KCNQ1: variants seen among roughly 807,000 people sequenced by gnomAD.
KCNQ1 encodes potassium voltage-gated channel subfamily Q member 1, also known as potassium voltage-gated channel subfamily KQT member 1.
Under a neutral mutation model 72.4 loss-of-function variants are expected in KCNQ1, and 49 were observed. The observed-to-expected ratio is 0.68, with a 90% CI of 0.54 to 0.86. KCNQ1 has a LOEUF of 0.86. KCNQ1 is among the 40% of genes least tolerant of loss of function. KCNQ1 has a pLI of 0.00. For missense variants in KCNQ1, 790 were observed against 945.1 expected (o/e 0.84, Z 2.15); for synonymous variants, 450 against 412.6 (o/e 1.09, Z -1.10).
In KCNQ1 at chr11:2,669,431, T is replaced by C. The variant is rs1436916840; in HGVS notation, c.1514+7350T>C. On this transcript the variant is annotated intron_variant, in intron 11 of 15. Coordinates refer to ENST00000155840, the MANE Select transcript of KCNQ1 (RefSeq NM_000218.3). This position sits in a 1 kb window ranked among gnomAD's most constrained non-coding sequence, Gnocchi z 5.6. Reference sequence around the variant, plus strand: ...GTCCCTTGTTTATTTAGGTTGACTTTCATATCTTTTACCTTGCCCTGTAGT... The same window carrying C: ...GTCCCTTGTTTATTTAGGTTGACTTCCATATCTTTTACCTTGCCCTGTAGT... 5.0e-6 allele frequency: 2 copies of C among 398,534 alleles called. No homozygotes were observed. Among genetic ancestry groups the C allele is most frequent in the Non-Finnish European group, 4.4e-6 (1 of 226,084 alleles). The allele number at this position is 398,534 out of a possible 1,614,324, so 24.7% of individuals were successfully genotyped here. A position where few individuals can be genotyped will look rare whatever the true frequency, so the allele number is the denominator to read the frequency against.
At chr11:2,539,783 G>T (rs1403256339) in intron 2 of KCNQ1, among the ~76,000 whole-genome samples, 2 of 152,254 alleles carry the variant, frequency 1.3e-5, no homozygotes, top group African/African-American at 2.4e-5. Context: ...AGAGTGTGCG[G>T]CCATGGGGAC....
rs758584937 is a variant in KCNQ1, at chr11:2,816,046, T to C, written c.1795-31721T>C. Among the ~76,000 whole-genome samples, 1 of 152,108 alleles carries C rather than the reference T, an allele frequency of 6.6e-6. No homozygotes were observed. Among genetic ancestry groups the C allele is most frequent in the Non-Finnish European group, 1.5e-5 (1 of 68,006 alleles). The stretch of plus-strand genomic sequence containing the variant: ...CTGGGTGAGGGCTCCGTTAGATGAA[T>C]GTGGACGGCTGGCGGCCGGGGCTTG... On this transcript the variant is annotated intron_variant, in intron 15 of 15. Transcript: ENST00000155840. This position sits in a 1 kb window ranked among gnomAD's most constrained non-coding sequence, Gnocchi z 6.8.
intron 15 of KCNQ1, among the ~76,000 whole-genome samples, chr11:2,825,214 G>C (rs1202075892): frequency 5.3e-5 from 8 of 152,220 alleles, no homozygotes; most frequent in Admixed American, 4.6e-4. Context: ...CGACCCTGCT[G>C]TCGGGCGTGT....
intron 10 of KCNQ1, chr11:2,622,069 T>G: frequency 2.5e-6 from 1 of 398,362 alleles, no homozygotes; most frequent in Non-Finnish European, 4.4e-6. Context: ...TATGTTGTGT[T>G]CCCACTGTCA....
At chr11:2,551,855 G>A (rs1446720025) in intron 2 of KCNQ1, among the ~76,000 whole-genome samples, 1 of 152,236 alleles carries the variant, frequency 6.6e-6, no homozygotes, top group South Asian at 2.1e-4. Flanking sequence ...GACGAATGGT[G>A]TTGGGCATAT....
At chr11:2,753,687 T>G (rs1846259373) in intron 11 of KCNQ1, among the ~76,000 whole-genome samples, 1 of 152,196 alleles carries the variant, frequency 6.6e-6, no homozygotes. Flanking sequence ...GCATCCCAGG[T>G]ACAAAGCCAT....
chr11:2,528,566 G>T (rs773880650), intron 2 of KCNQ1, among the ~76,000 whole-genome samples: 19 of 152,354 alleles, frequency 1.2e-4, no homozygotes, highest in Non-Finnish European at 1.5e-4. Context: ...TGATCTGGCC[G>T]TGAGGCTGCC....
intron 15 of KCNQ1, among the ~76,000 whole-genome samples, chr11:2,838,930 G>GC (rs113030218): frequency 0.037 from 5,587 of 152,234 alleles, 340 homozygotes; most frequent in African/African-American, 0.13. Flanking sequence ...CGGCTCCTGG[G>GC]CCCCCAGCCT....
Position 2,803,918 on chromosome 11 carries a change from C to T in KCNQ1, c.1794+25881C>T, listed in dbSNP as rs887927906. 7.9e-5 allele frequency among the ~76,000 whole-genome samples: 12 copies of T among 152,174 alleles called. No individual in the cohort carries two copies. The highest frequency in any genetic ancestry group is 2.9e-4 in the African/African-American group (12 of 41,424). On this transcript the variant is annotated intron_variant, in intron 15 of 15. Coordinates refer to ENST00000155840, the MANE Select transcript of KCNQ1 (RefSeq NM_000218.3). The surrounding 1 kb of genome is among the most constrained non-coding windows in gnomAD (Gnocchi z 6.4). ...GATGGGGCCGCCTCTGCCACCTGCTCCAGCCACCTGGCAGATCCCACTCGG... is the reference window on the plus strand; with the variant it reads ...GATGGGGCCGCCTCTGCCACCTGCTTCAGCCACCTGGCAGATCCCACTCGG...
chr11:2,525,217 G>A (rs1297215018), intron 1 of KCNQ1, among the ~76,000 whole-genome samples: 1 of 152,188 alleles, frequency 6.6e-6, no homozygotes, highest in Non-Finnish European at 1.5e-5. Flanking sequence ...TGTGTGCAAG[G>A]TGAGCCAGTC....
chr11:2,777,148 ATGAC>A, intron 14 of KCNQ1, 116 bp downstream of exon 14: 1 of 999,254 alleles, frequency 1.0e-6, no homozygotes, highest in Non-Finnish European at 1.6e-6. Flanking sequence ...TCCAAAGTGC[ATGAC>A]ATGAAATGAA....
rs2133900705 is a variant in KCNQ1 at position 2,698,505 on chromosome 11, C to G, written c.1514+36424C>G. On this transcript the variant is annotated intron_variant, in intron 11 of 15. Transcript: ENST00000155840. The surrounding 1 kb of genome is among the most constrained non-coding windows in gnomAD (Gnocchi z 5.1). ...AAGAGACTTCTACCACTACCTCTCA[C>G]CTGGCAGGTGATCACCACCCCCAAC... 2.5e-6 allele frequency: 1 copy of G among 398,626 alleles called. No homozygotes were observed. The highest frequency in any genetic ancestry group is 4.4e-6 in the Non-Finnish European group (1 of 226,074). 24.7% of individuals were successfully genotyped at this position (398,626 alleles called of 1,614,324 possible). A position where few individuals can be genotyped will look rare whatever the true frequency, so the allele number is the denominator to read the frequency against.
At position 2,724,231 on chromosome 11, in the gene KCNQ1, G is replaced by A. The variant is rs536607928; in HGVS notation, c.1515-44613G>A. Among the ~76,000 whole-genome samples the A allele has an allele frequency of 5.3e-4, 81 of 152,302 alleles. No individual in the cohort carries two copies. The highest frequency in any genetic ancestry group is 1.8e-3 in the African/African-American group (74 of 41,562). ...CAGATGATATACAGTCCTCCTCCCG[G>A]CTCAGGACCCCTTTGCGGTGTCACC... is the stretch of plus-strand genomic sequence containing the variant. On this transcript the variant is annotated intron_variant, in intron 11 of 15. Coordinates refer to ENST00000155840, the MANE Select transcript of KCNQ1 (RefSeq NM_000218.3). This position sits in a 1 kb window ranked among gnomAD's most constrained non-coding sequence, Gnocchi z 6.8.
At position 2,497,299 on chromosome 11, in the gene KCNQ1, C is replaced by G. The variant is rs967566732; in HGVS notation, c.387-30629C>G. Reference sequence around the variant, plus strand: ...CCATTCTCCCCGTCACTTTCAGGTACAGCAATCAATTGTAGGTTTGGTCTT... The same window carrying G: ...CCATTCTCCCCGTCACTTTCAGGTAGAGCAATCAATTGTAGGTTTGGTCTT... On this transcript the variant is annotated intron_variant, in intron 1 of 15. Coordinates refer to ENST00000155840, the MANE Select transcript of KCNQ1 (RefSeq NM_000218.3). This position sits in a 1 kb window ranked among gnomAD's most constrained non-coding sequence, Gnocchi z 4.5. Among the ~76,000 whole-genome samples the G allele has an allele frequency of 1.3e-5, 2 of 152,168 alleles. No homozygotes were observed. The highest frequency in any genetic ancestry group is 4.8e-5 in the African/African-American group (2 of 41,448).
rs1408869568 is a variant in KCNQ1, at chr11:2,515,104, T to A, written c.387-12824T>A. ...ACGTGCGTAATGGTGGGGTTTGGGC[T>A]TCTCGTGCGCCCATCAGCCGGATAT... On this transcript the variant is annotated intron_variant, in intron 1 of 15. Coordinates refer to ENST00000155840, the MANE Select transcript of KCNQ1 (RefSeq NM_000218.3). The surrounding 1 kb of genome is among the most constrained non-coding windows in gnomAD (Gnocchi z 4.7). Among the ~76,000 whole-genome samples the A allele has an allele frequency of 6.6e-6, 1 of 152,210 alleles. No individual in the cohort carries two copies. Among genetic ancestry groups the A allele is most frequent in the Non-Finnish European group, 1.5e-5 (1 of 68,042 alleles).
rs1846501318 is a variant in KCNQ1 at position 2,766,560 on chromosome 11, TG to T, written c.1515-2281del. ...GGTGGAGATAGACTCTAGCCTGCAA[TG>T]GGAGGAACCACAATGGATTGTGCCC... is the stretch of plus-strand genomic sequence containing the variant. On this transcript the variant is annotated intron_variant, in intron 11 of 15. Coordinates refer to ENST00000155840, the MANE Select transcript of KCNQ1 (RefSeq NM_000218.3). This position sits in a 1 kb window ranked among gnomAD's most constrained non-coding sequence, Gnocchi z 4.4. Among the ~76,000 whole-genome samples the T allele has an allele frequency of 6.6e-6, 1 of 152,212 alleles. No homozygotes were observed. Among genetic ancestry groups the T allele is most frequent in the Non-Finnish European group, 1.5e-5 (1 of 68,042 alleles).
rs1011061746 is a variant in KCNQ1 at position 2,715,515 on chromosome 11, G to C, written c.1515-53329G>C. Among the ~76,000 whole-genome samples the C allele has an allele frequency of 2.0e-5, 3 of 152,090 alleles. No homozygotes were observed. The highest frequency in any genetic ancestry group is 7.2e-5 in the African/African-American group (3 of 41,420). On this transcript the variant is annotated intron_variant, in intron 11 of 15. Coordinates refer to ENST00000155840, the MANE Select transcript of KCNQ1 (RefSeq NM_000218.3). The surrounding 1 kb of genome is among the most constrained non-coding windows in gnomAD (Gnocchi z 4.9). Reference sequence around the variant, plus strand: ...GGCCCAGGGGGAAGAGAGCAGCCAGGTAGACTTCGTTTCCAGCCGGAGTGT... The same window carrying C: ...GGCCCAGGGGGAAGAGAGCAGCCAGCTAGACTTCGTTTCCAGCCGGAGTGT...
intron 1 of KCNQ1, among the ~76,000 whole-genome samples, chr11:2,517,996 G>C (rs1235157110): frequency 6.6e-6 from 1 of 152,272 alleles, no homozygotes; most frequent in Non-Finnish European, 1.5e-5. Flanking sequence ...CTCACTTCCA[G>C]ATTCACCCGG....
rs1846837649 is a variant in KCNQ1 at position 2,491,651 on chromosome 11, G to A, written c.387-36277G>A. Among the ~76,000 whole-genome samples the A allele has an allele frequency of 6.6e-6, 1 of 152,082 alleles. No homozygotes were observed. Among genetic ancestry groups the A allele is most frequent in the Admixed American group, 6.6e-5 (1 of 15,256 alleles). ...GTAGAGAAAGAGATAGGGGTAGAAA[G>A]CTTATTCAAAGGGATACTAACATAG... On this transcript the variant is annotated intron_variant, in intron 1 of 15. Transcript: ENST00000155840. This position sits in a 1 kb window ranked among gnomAD's most constrained non-coding sequence, Gnocchi z 4.1.
Sources: allele counts gnomAD v4.1 joint callset (sites outside exome capture counted in the v4.1 genomes callset), GRCh38; gene constraint gnomAD v4.1.1; non-coding constraint Gnocchi (gnomAD v3.1); transcripts MANE v1.5; gene names NCBI Gene and HGNC (gene_info 2026-07-23, HGNC 2026-07-21).